The following STIM1 variants were observed in gnomAD, a reference collection of about 807,000 sequenced individuals.
STIM1 encodes the protein stromal interaction molecule 1.
Under a neutral mutation model 74.7 loss-of-function variants are expected in STIM1, and 25 were observed. The ratio of observed to expected loss-of-function variants is 0.33; its 90% CI spans 0.24 to 0.47. The LOEUF (loss-of-function observed/expected upper bound fraction) is 0.47, where lower values mean the gene tolerates loss of function less well. STIM1 is among the 20% of genes least tolerant of loss of function. The pLI, the probability that STIM1 is intolerant of heterozygous loss-of-function variation, is 1.00. For synonymous variants in STIM1, 328 were observed against 348.8 expected (o/e 0.94, Z 0.66); for missense variants, 728 against 920.8 (o/e 0.79, Z 2.71).
intron 1 of STIM1, among the ~76,000 whole-genome samples, chr11:3,925,192 C>G (rs373768721): frequency 6.6e-6 from 1 of 152,230 alleles, no homozygotes; most frequent in Admixed American, 6.5e-5. Context: ...GTCAATAGAT[C>G]GAAACCATCC....
chr11:3,873,144 G>A (rs917154137), intron 1 of STIM1, among the ~76,000 whole-genome samples: 11 of 151,958 alleles, frequency 7.2e-5, no homozygotes, highest in African/African-American at 2.7e-4. Context: ...GGCCGGGTGC[G>A]GTGGCTCACG....
rs550502532 is a variant in STIM1, at chr11:4,005,235, A to G, written c.271-18638A>G. Among the ~76,000 whole-genome samples, 6 of 152,320 alleles carry G rather than the reference A, an allele frequency of 3.9e-5. No individual in the cohort carries two copies. In the East Asian group the frequency reaches 1.2e-3, roughly 29 times the overall value. On this transcript the variant is annotated intron_variant, in intron 2 of 12. Coordinates refer to ENST00000526596, the MANE Select transcript of STIM1 (RefSeq NM_001382567.1). ...TGACCCAGCCATCCCATTACTAGGT[A>G]TACACCCAAAGGACTATAAATCATG...
intron 2 of STIM1, among the ~76,000 whole-genome samples, chr11:3,981,955 G>C (rs1219753669): frequency 6.6e-6 from 1 of 152,102 alleles, no homozygotes; most frequent in Non-Finnish European, 1.5e-5. Flanking sequence ...CCAATTATTA[G>C]TTGTTTGACT....
intron 1 of STIM1, among the ~76,000 whole-genome samples, chr11:3,881,126 A>C (rs945625361): frequency 6.6e-6 from 1 of 151,824 alleles, no homozygotes; most frequent in Non-Finnish European, 1.5e-5. Context: ...CACATAACAT[A>C]AAATTAATCA....
chr11:4,000,452 C>T (rs1325896609), intron 2 of STIM1, among the ~76,000 whole-genome samples: 2 of 151,920 alleles, frequency 1.3e-5, no homozygotes, highest in African/African-American at 2.4e-5. Context: ...CTGCAGACAC[C>T]GCTGCTGATA....
At position 3,902,131 on chromosome 11, in the gene STIM1, A is replaced by G. The variant is rs368307751; in HGVS notation, c.139+45722A>G. ...GAGATGTAGTGATGGAAAACCAGAC[A>G]CTGCCTCATGGAACTTAATCTAATA... is the stretch of plus-strand genomic sequence containing the variant. On this transcript the variant is annotated intron_variant, in intron 1 of 12. Transcript: ENST00000526596. 1.5e-4 allele frequency among the ~76,000 whole-genome samples: 23 copies of G among 152,324 alleles called. No individual in the cohort carries two copies. The South Asian group carries it at 3.3e-3, about 22-fold the overall frequency.
chr11:3,919,431 C>T (rs576410873), intron 1 of STIM1, among the ~76,000 whole-genome samples: 1 of 152,222 alleles, frequency 6.6e-6, no homozygotes, highest in African/African-American at 2.4e-5. Context: ...TCTCGAACTC[C>T]TGACCTCAGG....
intron 1 of STIM1, among the ~76,000 whole-genome samples, chr11:3,876,856 T>G (rs1248040092): frequency 6.6e-6 from 1 of 152,204 alleles, no homozygotes; most frequent in South Asian, 2.1e-4. Flanking sequence ...TGCACTGTTA[T>G]GTATTCACCA....
chr11:4,017,593 C>G (rs2093910513), intron 2 of STIM1, among the ~76,000 whole-genome samples: 1 of 152,104 alleles, frequency 6.6e-6, no homozygotes, highest in South Asian at 2.1e-4. Flanking sequence ...GAGAAAATCC[C>G]CTTCCTTGGA....
intron 1 of STIM1, among the ~76,000 whole-genome samples, chr11:3,932,047 T>C (rs760706573): frequency 2.1e-4 from 32 of 152,136 alleles, no homozygotes; most frequent in Non-Finnish European, 4.1e-4. Context: ...TCCTGGGCTG[T>C]GTGGTTTTCC....
intron 1 of STIM1, among the ~76,000 whole-genome samples, chr11:3,958,249 C>G (rs1330075027): frequency 1.3e-5 from 2 of 152,142 alleles, no homozygotes; most frequent in Non-Finnish European, 2.9e-5. Context: ...TGGCAAAAGC[C>G]TATAATCCTA....
chr11:4,034,532 A>G (rs1157015408), intron 3 of STIM1, among the ~76,000 whole-genome samples: 1 of 152,144 alleles, frequency 6.6e-6, no homozygotes, highest in Non-Finnish European at 1.5e-5. Flanking sequence ...TAGATTTGCT[A>G]AAATTTTGTT....
chr11:3,879,449 C>T (rs565114878), intron 1 of STIM1, among the ~76,000 whole-genome samples: 18 of 152,216 alleles, frequency 1.2e-4, no homozygotes, highest in Non-Finnish European at 2.2e-4. Context: ...CTGTTGGTTT[C>T]GTGGACATTA....
In STIM1 at chr11:3,951,797, T is replaced by C. The variant is rs115248038; in HGVS notation, c.140-15755T>C. ...AGCAGAAAGCCATTTGAGGTGTCTG[T>C]AATTATTTTTTTGGCTATCTCAGAC... On this transcript the variant is annotated intron_variant, in intron 1 of 12. Transcript: ENST00000526596. 9.5e-3 allele frequency among the ~76,000 whole-genome samples: 1,440 copies of C among 152,302 alleles called. 26 individuals carry two copies. Among genetic ancestry groups the C allele is most frequent in the African/African-American group, 0.033 (1,363 of 41,564 alleles).
intron 9 of STIM1, 114 bp downstream of exon 9, chr11:4,083,096 G>A (rs1268188270): frequency 8.5e-7 from 1 of 1,173,546 alleles, no homozygotes; most frequent in Admixed American, 1.8e-5. Context: ...GACAGCTCTG[G>A]TCTCCTGCCT....
intron 2 of STIM1, among the ~76,000 whole-genome samples, chr11:3,984,609 C>T (rs1486792077): frequency 2.0e-5 from 3 of 152,208 alleles, no homozygotes; most frequent in Non-Finnish European, 4.4e-5. Flanking sequence ...TGGCCCAGCT[C>T]ATACATTCAG....
At chr11:3,971,269 C>T (rs1283914353) in intron 2 of STIM1, among the ~76,000 whole-genome samples, 8 of 150,962 alleles carry the variant, frequency 5.3e-5, no homozygotes, top group Admixed American at 5.3e-4. Flanking sequence ...GTGGCTCACG[C>T]CTGTAATCCC....
chr11:4,075,313 T>C (rs973941994), intron 7 of STIM1, among the ~76,000 whole-genome samples: 3 of 152,248 alleles, frequency 2.0e-5, no homozygotes, highest in African/African-American at 7.2e-5. Context: ...TGCATATGCA[T>C]GTACCTGTGT....
intron 2 of STIM1, among the ~76,000 whole-genome samples, chr11:3,979,119 C>G (rs1338589776): frequency 6.6e-6 from 1 of 152,112 alleles, no homozygotes; most frequent in African/African-American, 2.4e-5. Flanking sequence ...AAGCCCAGTG[C>G]TGTGGTTAAT....
Sources: allele counts gnomAD v4.1 joint callset (sites outside exome capture counted in the v4.1 genomes callset), GRCh38; gene constraint gnomAD v4.1.1; transcripts MANE v1.5; gene names NCBI Gene and HGNC (gene_info 2026-07-23, HGNC 2026-07-21).